HECTD4: variants seen among roughly 807,000 people sequenced by gnomAD.
HECTD4 encodes the protein probable E3 ubiquitin-protein ligase HECTD4.
A neutral mutation model predicts 471.5 loss-of-function variants in HECTD4; 114 were observed. The observed-to-expected ratio is 0.24, with a 90% confidence interval of 0.21 to 0.28. HECTD4 has a LOEUF of 0.28. Ranked by LOEUF, HECTD4 falls within the 10% of genes least tolerant of loss-of-function variation. HECTD4 has a pLI of 1.00. For synonymous variants in HECTD4, 2,012 were observed against 2,256.0 expected, an observed-to-expected ratio of 0.89 and a Z score of 3.07; for missense variants, 3,866 against 5,651.5, an observed-to-expected ratio of 0.68 and a Z score of 10.13.
At chr12:112,255,170 A>C (rs1425842267) in intron 21 of HECTD4, among the ~76,000 whole-genome samples, 1 of 152,204 alleles carries the variant, frequency 6.6e-6, no homozygotes. Flanking sequence ...TACAGTTTTT[A>C]AAGGAGAAAC....
At chr12:112,355,804 C>T (rs980127318) in intron 1 of HECTD4, among the ~76,000 whole-genome samples, 1 of 152,146 alleles carries the variant, frequency 6.6e-6, no homozygotes, top group East Asian at 1.9e-4. Context: ...ATAAAATGTG[C>T]CATTCTATTT....
At position 112,274,855 on chromosome 12, in the gene HECTD4, G is replaced by C. The variant is rs1331000284; in HGVS notation, c.1793C>G (p.Pro598Arg). Residue 598 changes from proline to arginine, a missense_variant, in exon 10 of 76, where the codon CCA (proline) becomes CGA (arginine). Physicochemically the swap from Pro to Arg is moderately radical, Grantham distance 103 (BLOSUM62 -2). Transcript: ENST00000682272. ...GSSLGRGALV[P>R]GLGACYDTVN... ...GCAAGTTTATTTCTTACCCAATCCT[G>C]GTACGAGAGCACCACGCCCCAGTGA... 6.5e-7 allele frequency: 1 copy of C among 1,541,934 alleles called. No individual in the cohort carries two copies. Among genetic ancestry groups the C allele is most frequent in the Non-Finnish European group, 8.8e-7 (1 of 1,139,308 alleles).
At chr12:112,189,921 T>C (rs1309855478) in intron 60 of HECTD4, among the ~76,000 whole-genome samples, 3 of 152,116 alleles carry the variant, frequency 2.0e-5, no homozygotes, top group African/African-American at 7.2e-5. Context: ...GCCCGGCCAA[T>C]TTTTTGTATT....
intron 1 of HECTD4, among the ~76,000 whole-genome samples, chr12:112,365,450 T>C (rs912739960): frequency 6.6e-6 from 1 of 151,920 alleles, no homozygotes; most frequent in Non-Finnish European, 1.5e-5. Flanking sequence ...TCTTTTAAAA[T>C]TTTTTTTGCA....
At chr12:112,294,067 T>C (rs1362123354) in intron 7 of HECTD4, among the ~76,000 whole-genome samples, 1 of 151,458 alleles carries the variant, frequency 6.6e-6, no homozygotes, top group African/African-American at 2.4e-5. Flanking sequence ...ACCTGGCTAA[T>C]TTTTTTTTAT....
chr12:112,231,232 G>A (rs1368506949), intron 39 of HECTD4: 1 of 493,568 alleles, frequency 2.0e-6, no homozygotes, highest in Non-Finnish European at 3.7e-6. Context: ...AAGGTAGCAA[G>A]ACCAGAGTTT....
chr12:112,219,549 G>GCTCCAAAAGAGTCAGC, intron 44 of HECTD4, 60 bp from the exon 45 acceptor site: 4 of 1,173,090 alleles, frequency 3.4e-6, no homozygotes, highest in Non-Finnish European at 5.0e-6. Flanking sequence ...AGTGGGTGCT[G>GCTCCAAAAGAGTCAGC]ACTCTTTTGG....
intron 1 of HECTD4, among the ~76,000 whole-genome samples, chr12:112,357,976 G>A (rs2135744723): frequency 6.6e-6 from 1 of 152,334 alleles, no homozygotes; most frequent in South Asian, 2.1e-4. Flanking sequence ...GCCGAGGCAG[G>A]CGGATCACTT....
At position 112,235,003 on chromosome 12, in the gene HECTD4, G is replaced by T. The variant is rs1405306970; in HGVS notation, c.5915+74C>A. On this transcript the variant is annotated intron_variant, in intron 37 of 75. Coordinates refer to ENST00000682272, the MANE Select transcript of HECTD4 (RefSeq NM_001388303.1). This position sits in a 1 kb window ranked among gnomAD's most constrained non-coding sequence, Gnocchi z 5.0. ...GGCCGAGGCAGTCGATACATGTACAGGGCTTACTTAGCACAGTGCCTGTGA... is the reference window on the plus strand; with the variant it reads ...GGCCGAGGCAGTCGATACATGTACATGGCTTACTTAGCACAGTGCCTGTGA... 2 of 1,364,968 alleles carry T rather than the reference G, an allele frequency of 1.5e-6. No homozygotes were observed. The highest frequency in any genetic ancestry group is 2.9e-5 in the African/African-American group (2 of 68,986). 84.6% of individuals were successfully genotyped at this position (1,364,968 alleles called of 1,614,324 possible).
chr12:112,163,743 C>T lies in HECTD4; in HGVS notation c.12702-6G>A. On this transcript the variant is annotated splice_polypyrimidine_tract_variant and splice_region_variant and intron_variant, in intron 73 of 75. Transcript: ENST00000682272. This position sits in a 1 kb window ranked among gnomAD's most constrained non-coding sequence, Gnocchi z 8.2. ...AGATGTCCTTGTTCTCCCACCTGCC[C>T]GGGTGAGGAGCACAGGTGAGGGAGA... 4.1e-6 allele frequency: 6 copies of T among 1,459,308 alleles called. No individual in the cohort carries two copies. The highest frequency in any genetic ancestry group is 1.4e-5 in the South Asian group (1 of 69,918). The allele number at this position is 1,459,308 out of a possible 1,614,324, so 90.4% of individuals were successfully genotyped here.
At chr12:112,247,360 A>C (rs975061853) in intron 28 of HECTD4, 102 bp downstream of exon 28, 16 of 719,460 alleles carry the variant, frequency 2.2e-5, no homozygotes, top group African/African-American at 3.7e-5. Flanking sequence ...TATTTAGTAA[A>C]TTCACAACAT....
chr12:112,231,720 G>T lies in HECTD4; in HGVS notation c.5998-5C>A. On this transcript the variant is annotated splice_region_variant and splice_polypyrimidine_tract_variant and intron_variant, in intron 38 of 75. Transcript: ENST00000682272. ...AATCACTTCGCAACAGCCACCCTGG[G>T]GTGAGGTTGAAGACGCTGAGAAGAT... The T allele has an allele frequency of 3.1e-6, 5 of 1,608,494 alleles. No individual in the cohort carries two copies. Among genetic ancestry groups the T allele is most frequent in the Non-Finnish European group, 4.2e-6 (5 of 1,178,530 alleles).
At chr12:112,245,051 G>A (rs539685577) in intron 29 of HECTD4, among the ~76,000 whole-genome samples, 2 of 152,174 alleles carry the variant, frequency 1.3e-5, no homozygotes, top group Admixed American at 6.5e-5. Context: ...TGCCCAGGCT[G>A]AAGAGCAGTG....
chr12:112,278,793 TGAG>T (rs934477038), intron 9 of HECTD4, among the ~76,000 whole-genome samples: 3 of 152,170 alleles, frequency 2.0e-5, no homozygotes, highest in Non-Finnish European at 4.4e-5. Context: ...CTAGGGAGGC[TGAG>T]GCAGGAGAAT....
intron 17 of HECTD4, among the ~76,000 whole-genome samples, chr12:112,263,050 A>G (rs1434645711): frequency 2.6e-5 from 4 of 151,894 alleles, no homozygotes; most frequent in Non-Finnish European, 5.9e-5. Flanking sequence ...ACATGGCAGC[A>G]AAGTGCCAGG....
chr12:112,329,460 TG>T (rs1358728955), intron 1 of HECTD4, among the ~76,000 whole-genome samples: 2 of 151,438 alleles, frequency 1.3e-5, no homozygotes, highest in Non-Finnish European at 2.9e-5. Context: ...CTCCGTCTCC[TG>T]GGTTCAAATG....
intron 1 of HECTD4, among the ~76,000 whole-genome samples, chr12:112,323,552 C>G (rs2035627079): frequency 6.6e-6 from 1 of 151,660 alleles, no homozygotes; most frequent in Admixed American, 6.6e-5. Context: ...AAGCCAATTT[C>G]CAAGGGTTAT....
Position 112,308,849 on chromosome 12 carries a change from C to G in HECTD4, c.1068G>C (p.Trp356Cys). Residue 356 changes from tryptophan (W) to cysteine (C), a missense_variant, in exon 6 of 76, where the codon TGG (tryptophan) becomes TGC (cysteine). Physicochemically the swap from Trp to Cys is radical, Grantham distance 215. Around this residue, in one of 16 missense-constraint regions of HECTD4, gnomAD observed 440 missense variants for 636.0 expected, o/e 0.69. Transcript: ENST00000682272. ...GAAGACTGCCGCTGCCAAAAGCCAC[C>G]CATCCTGGTTCCAACTCCTCGTTCC... is the stretch of plus-strand genomic sequence containing the variant. ...YCRNEELEPG[W>C]VAFGSGSLLH... 1 of 1,536,034 alleles carries G rather than the reference C, an allele frequency of 6.5e-7. No homozygotes were observed. The highest frequency in any genetic ancestry group is 8.7e-7 in the Non-Finnish European group (1 of 1,146,860).
chr12:112,176,533 G>A (rs1198644733), intron 65 of HECTD4, 63 bp downstream of exon 65: 3 of 1,142,764 alleles, frequency 2.6e-6, no homozygotes, highest in Non-Finnish European at 4.0e-6. Context: ...CTCCTCGGGG[G>A]GTGCCTAGTC....
Sources: allele counts gnomAD v4.1 joint callset (sites outside exome capture counted in the v4.1 genomes callset), GRCh38; gene constraint gnomAD v4.1.1; regional missense constraint gnomAD v4.1.1; non-coding constraint Gnocchi (gnomAD v3.1); transcripts MANE v1.5; gene names NCBI Gene and HGNC (gene_info 2026-07-23, HGNC 2026-07-21).